CDC27: variants seen among roughly 807,000 people sequenced by gnomAD.
The protein encoded by CDC27 is cell division cycle 27, also known as cell division cycle protein 27 homolog.
CDC27 carries 27 observed loss-of-function variants against 109.7 expected under a neutral mutation model. The ratio of observed to expected loss-of-function variants is 0.25; its 90% CI spans 0.18 to 0.34. The LOEUF is 0.34. CDC27 is among the 10% of genes least tolerant of loss of function. CDC27 has a pLI of 1.00. For synonymous variants in CDC27, 266 were observed against 333.9 expected, an observed-to-expected ratio of 0.80 and a Z score of 2.22; for missense variants, 579 against 960.2, an observed-to-expected ratio of 0.60 and a Z score of 5.25.
chr17:47,126,795 G>GA (rs1051431260), intron 16 of CDC27, among the ~76,000 whole-genome samples: 7 of 150,754 alleles, frequency 4.6e-5, no homozygotes, highest in East Asian at 3.9e-4. Flanking sequence ...TAAGCTTTAT[G>GA]AAAAAAATTT....
chr17:47,178,763 T>C (rs2064112737), intron 2 of CDC27, among the ~76,000 whole-genome samples: 1 of 152,050 alleles, frequency 6.6e-6, no homozygotes, highest in South Asian at 2.1e-4. Flanking sequence ...TGGCTTAAGA[T>C]CAAATGGCAA....
At chr17:47,147,535 A>G (rs1172554267) in intron 9 of CDC27, among the ~76,000 whole-genome samples, 2 of 152,154 alleles carry the variant, frequency 1.3e-5, no homozygotes, top group Non-Finnish European at 2.9e-5. Context: ...CAGACTTAGT[A>G]GGCAAAAACA....
intron 17 of CDC27, 76 bp downstream of exon 17, chr17:47,123,810 G>T: frequency 9.9e-7 from 1 of 1,012,988 alleles, no homozygotes; most frequent in Non-Finnish European, 1.5e-6. Flanking sequence ...TGTACAGGAA[G>T]TATTACATTT....
chr17:47,128,224 T>C (rs113664998), intron 16 of CDC27, among the ~76,000 whole-genome samples: 7 of 152,200 alleles, frequency 4.6e-5, no homozygotes, highest in African/African-American at 1.7e-4. Context: ...AGAGATGGGG[T>C]TTCACCCTGT....
intron 1 of CDC27, among the ~76,000 whole-genome samples, chr17:47,186,314 A>G (rs2064433271): frequency 6.6e-6 from 1 of 152,206 alleles, no homozygotes; most frequent in Non-Finnish European, 1.5e-5. Context: ...TGAACATTTT[A>G]TCCCCAGCCA....
chr17:47,148,198 CAAA>C (rs745397103), intron 9 of CDC27, among the ~76,000 whole-genome samples: 1 of 89,084 alleles, frequency 1.1e-5, no homozygotes, highest in Non-Finnish European at 2.3e-5. Context: ...GACTCTATCT[CAAA>C]AAAAAAAAAA....
At chr17:47,174,990 CAGGAA>C (rs148892033) in intron 2 of CDC27, among the ~76,000 whole-genome samples, 5 of 144,384 alleles carry the variant, frequency 3.5e-5, no homozygotes, top group Admixed American at 2.8e-4. Flanking sequence ...CAGGACAGGA[CAGGAA>C]AGGAAAGGAG....
chr17:47,147,983 G>A lies in CDC27; in HGVS notation c.1070+3823C>T, dbSNP rs191727743. Among the ~76,000 whole-genome samples, 141 of 149,426 alleles carry A rather than the reference G, an allele frequency of 9.4e-4. 1 individual carries two copies. The highest frequency in any genetic ancestry group is 3.1e-3 in the African/African-American group (128 of 40,762). On this transcript the variant is annotated intron_variant, in intron 9 of 18. Coordinates refer to ENST00000066544, the MANE Select transcript of CDC27 (RefSeq NM_001256.6). ...TCGGAGGCCAAGGTGGGCGGATCAC[G>A]AGTCAGGAGTTTGAGATCAGCCTGA...
intron 2 of CDC27, among the ~76,000 whole-genome samples, chr17:47,173,856 G>GC (rs1395708421): frequency 6.6e-6 from 1 of 152,242 alleles, no homozygotes; most frequent in Admixed American, 6.5e-5. Flanking sequence ...ACTTTGGGAG[G>GC]CTGAGGCAGG....
intron 14 of CDC27, among the ~76,000 whole-genome samples, chr17:47,134,592 C>T (rs2062513301): frequency 6.6e-6 from 1 of 151,958 alleles, no homozygotes; most frequent in African/African-American, 2.4e-5. Context: ...TTTCCTGCCT[C>T]AGTCTCCCAA....
chr17:47,187,859 A>AC (rs1160559173), intron 1 of CDC27, among the ~76,000 whole-genome samples: 1 of 151,474 alleles, frequency 6.6e-6, no homozygotes, highest in Non-Finnish European at 1.5e-5. Flanking sequence ...AATAAAAAAA[A>AC]ATCTTAAAAG....
rs1478198592 is a variant in CDC27 at position 47,141,629 on chromosome 17, T to G, written c.1551+224A>C. Among the ~76,000 whole-genome samples the G allele has an allele frequency of 3.9e-5, 6 of 152,292 alleles. No individual in the cohort carries two copies. The East Asian group carries it at 1.2e-3, about 29-fold the overall frequency. ...TCTACGTAAGAATGTCTGGATGACT[T>G]GGGTCTCTATAAACCTATTCCGAGA... is the stretch of plus-strand genomic sequence containing the variant. On this transcript the variant is annotated intron_variant, in intron 12 of 18. Transcript: ENST00000066544.
Position 47,157,178 on chromosome 17 carries a change from C to A in CDC27, c.630+52G>T, listed in dbSNP as rs1598504111. On this transcript the variant is annotated intron_variant, in intron 6 of 18. Coordinates refer to ENST00000066544, the MANE Select transcript of CDC27 (RefSeq NM_001256.6). ...TCACAATATATTATTTAGTTCAGAT[C>A]ATTCTTTGTAGTTTTCATAATATTT... The A allele has an allele frequency of 1.9e-6, 3 of 1,556,864 alleles. No individual in the cohort carries two copies. The East Asian group carries it at 6.8e-5, about 35-fold the overall frequency.
chr17:47,178,825 C>T (rs998437237), intron 2 of CDC27, among the ~76,000 whole-genome samples: 3 of 151,186 alleles, frequency 2.0e-5, no homozygotes, highest in African/African-American at 2.4e-5. Flanking sequence ...TTTTTTGAGA[C>T]GGAGTCTCGC....
chr17:47,142,161 A>G, intron 11 of CDC27, 68 bp downstream of exon 11: 3 of 1,166,446 alleles, frequency 2.6e-6, no homozygotes, highest in Non-Finnish European at 3.6e-6. Flanking sequence ...TGTAATGAAC[A>G]TAAAGAAATT....
At chr17:47,188,048 G>C (rs1051687311) in intron 1 of CDC27, among the ~76,000 whole-genome samples, 1 of 152,110 alleles carries the variant, frequency 6.6e-6, no homozygotes, top group Non-Finnish European at 1.5e-5. Context: ...ATTTCATGCT[G>C]TTTAGAAAAA....
chr17:47,182,991 G>A (rs1400194615), intron 1 of CDC27, among the ~76,000 whole-genome samples: 1 of 151,826 alleles, frequency 6.6e-6, no homozygotes, highest in Admixed American at 6.6e-5. Flanking sequence ...ATAGCTGCTG[G>A]AGTGCAATAG....
chr17:47,136,697 A>ATAG (rs1436561731), intron 14 of CDC27, among the ~76,000 whole-genome samples: 1 of 152,242 alleles, frequency 6.6e-6, no homozygotes, highest in Admixed American at 6.5e-5. Flanking sequence ...TAAGTTCTTA[A>ATAG]TAGTAACTCA....
At position 47,118,864 on chromosome 17, in the gene CDC27, C is replaced by T. The variant is rs1259782492; in HGVS notation, c.*2071G>A. On this transcript the variant is annotated 3_prime_UTR_variant, in exon 19 of 19. Transcript: ENST00000066544. Reference sequence around the variant, plus strand: ...TAGGCCAAGCTTGGGCGGAAACTGTCCCCCAACCAGCCATTGCCATGGCAT... The same window carrying T: ...TAGGCCAAGCTTGGGCGGAAACTGTTCCCCAACCAGCCATTGCCATGGCAT... 1 of 152,158 alleles carries T rather than the reference C, an allele frequency of 6.6e-6. No homozygotes were observed. Among genetic ancestry groups the T allele is most frequent in the Non-Finnish European group, 1.5e-5 (1 of 68,022 alleles). The allele number at this position is 152,158 out of a possible 1,614,324, so 9.4% of individuals were successfully genotyped here. A position where few individuals can be genotyped will look rare whatever the true frequency, so the allele number is the denominator to read the frequency against.
Sources: allele counts gnomAD v4.1 joint callset (sites outside exome capture counted in the v4.1 genomes callset), GRCh38; gene constraint gnomAD v4.1.1; transcripts MANE v1.5; gene names NCBI Gene and HGNC (gene_info 2026-07-23, HGNC 2026-07-21).